GPC5: variants seen among roughly 807,000 people sequenced by gnomAD.
GPC5 encodes the protein glypican 5, also known as glypican-5.
A neutral mutation model predicts 53.9 loss-of-function variants in GPC5; 47 were observed. The observed-to-expected ratio is 0.87, with a 90% CI of 0.69 to 1.11. The LOEUF (loss-of-function observed/expected upper bound fraction) is 1.11. Ranked by LOEUF, GPC5 falls within the 50% of genes most tolerant of loss-of-function variation. The pLI is 0.00. For missense variants in GPC5, 748 were observed against 713.1 expected, an observed-to-expected ratio of 1.05 and a Z score of -0.56; for synonymous variants, 286 against 263.3, an observed-to-expected ratio of 1.09 and a Z score of -0.84.
intron 6 of GPC5, among the ~76,000 whole-genome samples, chr13:92,124,457 GA>G (rs1311507793): frequency 4.0e-5 from 6 of 151,896 alleles, no homozygotes; most frequent in Admixed American, 6.6e-5. Flanking sequence ...TTGCAAAAAG[GA>G]AAAAAAGTAT....
intron 5 of GPC5, among the ~76,000 whole-genome samples, chr13:91,786,844 C>T (rs1261969559): frequency 6.6e-6 from 1 of 151,836 alleles, no homozygotes; most frequent in Non-Finnish European, 1.5e-5. Context: ...AATGTTTCTT[C>T]ATTTATTTGG....
intron 7 of GPC5, among the ~76,000 whole-genome samples, chr13:92,496,456 G>C (rs1399192946): frequency 1.3e-5 from 2 of 152,130 alleles, no homozygotes; most frequent in East Asian, 3.9e-4. Flanking sequence ...TGAAATTATT[G>C]CAAGGTAAAT....
chr13:92,804,473 G>A (rs948354028), intron 7 of GPC5, among the ~76,000 whole-genome samples: 8 of 151,954 alleles, frequency 5.3e-5, no homozygotes, highest in Non-Finnish European at 1.0e-4. Flanking sequence ...TATTAAATGT[G>A]CAAGAGCATT....
chr13:91,797,329 T>C (rs2989997), intron 5 of GPC5, among the ~76,000 whole-genome samples: 54,646 of 151,966 alleles, frequency 0.36, 11,143 homozygotes, highest in African/African-American at 0.56. Flanking sequence ...CTACAAAAAG[T>C]AGTGGCATTT....
intron 5 of GPC5, among the ~76,000 whole-genome samples, chr13:91,851,224 T>C (rs559923008): frequency 6.6e-6 from 1 of 152,294 alleles, no homozygotes; most frequent in South Asian, 2.1e-4. Flanking sequence ...CCAGAGGTAC[T>C]GAATACTGTA....
At chr13:91,944,023 T>TTA (rs150936437) in intron 6 of GPC5, among the ~76,000 whole-genome samples, 2,572 of 152,286 alleles carry the variant, frequency 0.017, 66 homozygotes, top group African/African-American at 0.059. Context: ...TATGCTATTT[T>TTA]TACTTTCTCA....
chr13:92,855,884 A>T (rs560648213), intron 7 of GPC5, among the ~76,000 whole-genome samples: 1 of 152,184 alleles, frequency 6.6e-6, no homozygotes, highest in Admixed American at 6.5e-5. Flanking sequence ...ATGAACCAAA[A>T]AAAGCCTTGC....
At chr13:92,114,166 CAG>C (rs948140712) in intron 6 of GPC5, among the ~76,000 whole-genome samples, 1 of 152,012 alleles carries the variant, frequency 6.6e-6, no homozygotes, top group African/African-American at 2.4e-5. Flanking sequence ...AGTATAGAAA[CAG>C]AGCCTTCTCC....
intron 5 of GPC5, among the ~76,000 whole-genome samples, chr13:91,856,855 T>A (rs1158745753): frequency 1.3e-5 from 2 of 151,422 alleles, no homozygotes; most frequent in African/African-American, 2.4e-5. Flanking sequence ...GGGGCAGATT[T>A]TCTCCTACGC....
chr13:92,198,677 A>G (rs1435178587), intron 7 of GPC5, among the ~76,000 whole-genome samples: 1 of 152,154 alleles, frequency 6.6e-6, no homozygotes, highest in Non-Finnish European at 1.5e-5. Context: ...CAATGGGAAG[A>G]TTACTTATTG....
intron 5 of GPC5, among the ~76,000 whole-genome samples, chr13:91,762,460 C>T (rs1042856456): frequency 5.3e-5 from 8 of 152,006 alleles, no homozygotes; most frequent in South Asian, 2.1e-4. Flanking sequence ...ATTTTAAAAA[C>T]GATCAGGTCT....
chr13:92,684,573 C>T (rs1427622913), intron 7 of GPC5, among the ~76,000 whole-genome samples: 1 of 152,116 alleles, frequency 6.6e-6, no homozygotes, highest in Non-Finnish European at 1.5e-5. Flanking sequence ...CCAGCCGGCT[C>T]TCTTTTTTTA....
intron 7 of GPC5, among the ~76,000 whole-genome samples, chr13:92,424,895 G>A (rs1265138248): frequency 2.0e-5 from 3 of 151,926 alleles, no homozygotes; most frequent in African/African-American, 7.2e-5. Flanking sequence ...ACTAGGTGGT[G>A]GGGATTCAAA....
At chr13:92,507,395 C>G (rs1442501598) in intron 7 of GPC5, among the ~76,000 whole-genome samples, 1 of 152,174 alleles carries the variant, frequency 6.6e-6, no homozygotes, top group Non-Finnish European at 1.5e-5. Context: ...ATGAATTTAG[C>G]TTTCTTTGGC....
At chr13:92,783,533 G>T (rs1594504516) in intron 7 of GPC5, among the ~76,000 whole-genome samples, 1 of 152,212 alleles carries the variant, frequency 6.6e-6, no homozygotes, top group East Asian at 1.9e-4. Flanking sequence ...CAGGCTTCAG[G>T]AGCTAAACCG....
intron 5 of GPC5, among the ~76,000 whole-genome samples, chr13:91,901,256 T>G (rs1177383033): frequency 6.6e-6 from 1 of 152,080 alleles, no homozygotes; most frequent in Non-Finnish European, 1.5e-5. Context: ...ATTATTTATA[T>G]GTAATTATAA....
chr13:91,941,896 A>G (rs1382726922), intron 6 of GPC5, among the ~76,000 whole-genome samples: 1 of 151,854 alleles, frequency 6.6e-6, no homozygotes, highest in Admixed American at 6.5e-5. Context: ...TTCTTTTGCA[A>G]CATACTCAAC....
intron 2 of GPC5, among the ~76,000 whole-genome samples, chr13:91,574,395 G>A (rs919605477): frequency 2.6e-5 from 4 of 152,094 alleles, no homozygotes; most frequent in African/African-American, 9.7e-5. Context: ...GGTGCTTCAA[G>A]CAAGTACAAG....
intron 7 of GPC5, among the ~76,000 whole-genome samples, chr13:92,854,311 AATAT>A (rs910803974): frequency 1.4e-5 from 2 of 147,712 alleles, no homozygotes; most frequent in Non-Finnish European, 3.0e-5. Context: ...ATATTTATTG[AATAT>A]ATATAGATTA....
Sources: gnomAD v4.1 joint callset for allele counts (sites outside exome capture counted in the v4.1 genomes callset) on GRCh38, gnomAD v4.1.1 for gene constraint, MANE v1.5 for transcripts, NCBI Gene and HGNC (gene_info 2026-07-23, HGNC 2026-07-21) for gene names.